The following LMF1 variants were observed in gnomAD, a reference collection of about 807,000 sequenced individuals.
LMF1 encodes the protein lipase maturation factor 1.
A neutral mutation model predicts 60.6 loss-of-function variants in LMF1; 68 were observed. That is an observed-to-expected ratio of 1.12 (90% confidence interval 0.92 to 1.37). The LOEUF (loss-of-function observed/expected upper bound fraction) is 1.37, where lower values mean the gene tolerates loss of function less well. Ranked by LOEUF, LMF1 falls within the 40% of genes most tolerant of loss-of-function variation. The pLI, the probability that LMF1 is intolerant of heterozygous loss-of-function variation, is 0.00. For synonymous variants in LMF1, 418 were observed against 324.7 expected, an observed-to-expected ratio of 1.29 and a Z score of -3.09; for missense variants, 948 against 767.2, an observed-to-expected ratio of 1.24 and a Z score of -2.78.
At chr16:913,438 G>C (rs1250750659) in intron 3 of LMF1, among the ~76,000 whole-genome samples, 1 of 152,288 alleles carries the variant, frequency 6.6e-6, no homozygotes, top group Non-Finnish European at 1.5e-5. Flanking sequence ...CTGCCCGCTG[G>C]ACAGGGTGCG....
At chr16:981,560 A>T, upstream of LMF1, 1 of 139,342 alleles carries the variant, frequency 7.2e-6, no homozygotes, top group Non-Finnish European at 1.5e-5. Context: ...GGGGAGCTCC[A>T]GGCGTGGGGC....
chr16:957,493 C>A (rs982879793), intron 1 of LMF1, among the ~76,000 whole-genome samples: 1 of 152,132 alleles, frequency 6.6e-6, no homozygotes, highest in Non-Finnish European at 1.5e-5. Context: ...TTGGAAAAAT[C>A]AAAATCATTA....
In LMF1 at chr16:944,657, C is replaced by T. The variant is rs115603230; in HGVS notation, c.503+9700G>A. ...CCTGCACCTGCCACTCTGCCATGGA[C>T]GGGCATGGAGTCCATGAAGACAAAT... On this transcript the variant is annotated intron_variant, in intron 2 of 10. Coordinates refer to ENST00000262301, the MANE Select transcript of LMF1 (RefSeq NM_022773.4). 3.0e-3 allele frequency among the ~76,000 whole-genome samples: 464 copies of T among 152,308 alleles called. 1 individual carries two copies. Among genetic ancestry groups the T allele is most frequent in the African/African-American group, 0.01 (423 of 41,570 alleles).
chr16:949,388 G>C (rs1597055747), intron 2 of LMF1, among the ~76,000 whole-genome samples: 1 of 149,282 alleles, frequency 6.7e-6, no homozygotes, highest in Non-Finnish European at 1.5e-5. Context: ...GACAGAGTCA[G>C]AGACAACGAC....
chr16:858,507 G>A (rs566895646), intron 10 of LMF1, among the ~76,000 whole-genome samples: 2 of 43,048 alleles, frequency 4.6e-5, no homozygotes, highest in Non-Finnish European at 8.0e-5. Flanking sequence ...GTGGTGTCTC[G>A]GGACGGGTGT....
chr16:911,481 C>G (rs1038085361), intron 3 of LMF1, among the ~76,000 whole-genome samples: 7 of 151,302 alleles, frequency 4.6e-5, no homozygotes, highest in African/African-American at 1.7e-4. Flanking sequence ...CAGCTTTCAC[C>G]TTCTTCCCAG....
At chr16:947,595 G>C (rs1270531536) in intron 2 of LMF1, 2 of 455,980 alleles carry the variant, frequency 4.4e-6, no homozygotes, top group Admixed American at 2.3e-5. Flanking sequence ...ACAGGAAGGA[G>C]GACCCCTGAG....
Position 977,962 on chromosome 16 carries a change from CCATA to C in LMF1, c.-135+3179_-135+3182del, listed in dbSNP as rs1017520122. Among the ~76,000 whole-genome samples, 16 of 140,838 alleles carry C rather than the reference CCATA, an allele frequency of 1.1e-4. No individual in the cohort carries two copies. The East Asian group carries it at 1.7e-3, about 15-fold the overall frequency. The allele number at this position is 140,838 out of a possible 152,430, so 92.4% of individuals were successfully genotyped here. ...CATACACACGCACACACACCACACA[CCATA>C]CACACACCCCACCACACACATACAC... On this transcript the variant is annotated intron_variant, in intron 1 of 6. Transcript: ENST00000570014.
chr16:862,719 G>A (rs1223151671), intron 10 of LMF1, among the ~76,000 whole-genome samples: 7 of 152,154 alleles, frequency 4.6e-5, no homozygotes, highest in East Asian at 3.9e-4. Context: ...TTAGTGAGGC[G>A]TGGTGGTGTG....
At chr16:920,962 T>C (rs1269026797) in intron 3 of LMF1, 3 of 152,064 alleles carry the variant, frequency 2.0e-5, no homozygotes, top group East Asian at 3.9e-4. Flanking sequence ...GGAGCTTCAG[T>C]GTCATCAGAG....
chr16:930,598 T>C (rs1233865399), intron 3 of LMF1, among the ~76,000 whole-genome samples: 1 of 152,196 alleles, frequency 6.6e-6, no homozygotes, highest in African/African-American at 2.4e-5. Flanking sequence ...GTGGTCATCC[T>C]GAGAAAAAGG....
chr16:953,143 C>G (rs1221381191), intron 2 of LMF1, among the ~76,000 whole-genome samples: 1 of 115,716 alleles, frequency 8.6e-6, no homozygotes, highest in Admixed American at 8.6e-5. Flanking sequence ...ACACAGACAC[C>G]CACCCCAAAC....
intron 5 of LMF1, among the ~76,000 whole-genome samples, chr16:885,592 G>C (rs562859414): frequency 9.6e-4 from 146 of 152,266 alleles, no homozygotes; most frequent in African/African-American, 3.2e-3. Context: ...ACTGGCCACC[G>C]TCACACCAGA....
At chr16:955,417 TG>T (rs2072668508) in intron 1 of LMF1, among the ~76,000 whole-genome samples, 1 of 128,558 alleles carries the variant, frequency 7.8e-6, no homozygotes, top group South Asian at 2.5e-4. Flanking sequence ...CACATGTAAG[TG>T]AACCAGACAC....
At chr16:854,857 C>T in intron 10 of LMF1, 151 bp from the exon 11 acceptor site, 2 of 709,456 alleles carry the variant, frequency 2.8e-6, no homozygotes, top group Non-Finnish European at 4.9e-6. Flanking sequence ...ACAGGTAGAC[C>T]CCCAGCAGAC....
At chr16:876,546 A>T (rs961587571) in intron 6 of LMF1, among the ~76,000 whole-genome samples, 1 of 152,126 alleles carries the variant, frequency 6.6e-6, no homozygotes, top group African/African-American at 2.4e-5. Context: ...GGAAACTGGG[A>T]GGGGGGGATA....
At chr16:870,140 G>A (rs935895640) in intron 8 of LMF1, 74 bp from the exon 9 acceptor site, 292 of 1,499,052 alleles carry the variant, frequency 1.9e-4, no homozygotes, top group Non-Finnish European at 2.6e-4. Context: ...GGGTGGGGGG[G>A]GTTCCCCGAC....
intron 5 of LMF1, among the ~76,000 whole-genome samples, chr16:890,910 T>C (rs1029369700): frequency 5.9e-5 from 9 of 152,172 alleles, no homozygotes; most frequent in Non-Finnish European, 1.3e-4. Context: ...GCCATCCCTC[T>C]GGCCCGGGCT....
chr16:916,176 G>C (rs1002536063), intron 3 of LMF1, among the ~76,000 whole-genome samples: 1 of 152,190 alleles, frequency 6.6e-6, no homozygotes, highest in Non-Finnish European at 1.5e-5. Context: ...GCCAGCTGAG[G>C]CCTCATTAAC....
Sources: gnomAD v4.1 joint callset for allele counts (sites outside exome capture counted in the v4.1 genomes callset) on GRCh38, gnomAD v4.1.1 for gene constraint, MANE v1.5 for transcripts, NCBI Gene and HGNC (gene_info 2026-07-23, HGNC 2026-07-21) for gene names.